The following KLHDC4 variants were observed in gnomAD, a reference collection of about 807,000 sequenced individuals.
KLHDC4 encodes the protein kelch domain containing 4, also known as kelch domain-containing protein 4.
In KLHDC4, 90 loss-of-function variants were observed where a neutral mutation model predicts 62.4. The ratio of observed to expected loss-of-function variants is 1.44; its 90% CI spans 1.22 to 1.72. KLHDC4 has a LOEUF of 1.72. Among genes scored for constraint, KLHDC4 ranks in the 40% most tolerant of loss-of-function variants. The pLI is 0.00. For synonymous variants in KLHDC4, 386 were observed against 284.4 expected, an observed-to-expected ratio of 1.36 and a Z score of -3.59; for missense variants, 1,025 against 699.7, an observed-to-expected ratio of 1.47 and a Z score of -5.25.
chr16:87,760,239 A>G (rs554518412), intron 2 of KLHDC4, among the ~76,000 whole-genome samples: 16 of 151,394 alleles, frequency 1.1e-4, no homozygotes, highest in African/African-American at 3.9e-4. Flanking sequence ...ATCATTAAAA[A>G]AAAAAAAAAA....
intron 5 of KLHDC4, among the ~76,000 whole-genome samples, chr16:87,737,644 A>G (rs573320300): frequency 6.7e-6 from 1 of 149,762 alleles, no homozygotes; most frequent in African/African-American, 2.5e-5. Flanking sequence ...CTGGAGCACA[A>G]TGGCACGATC....
At chr16:87,760,820 G>T (rs1035994614) in intron 2 of KLHDC4, among the ~76,000 whole-genome samples, 3 of 151,948 alleles carry the variant, frequency 2.0e-5, no homozygotes, top group African/African-American at 7.3e-5. Context: ...ATTACCTAAG[G>T]TCAGGAGTTC....
chr16:87,733,786 AC>A (rs1434263866), intron 5 of KLHDC4, among the ~76,000 whole-genome samples: 1 of 150,640 alleles, frequency 6.6e-6, no homozygotes, highest in Non-Finnish European at 1.5e-5. Context: ...CTCACTGATG[AC>A]CTGCCTCGCC....
intron 4 of KLHDC4, among the ~76,000 whole-genome samples, chr16:87,754,093 T>C (rs1412942831): frequency 6.6e-6 from 1 of 151,148 alleles, no homozygotes; most frequent in Non-Finnish European, 1.5e-5. Flanking sequence ...TGAGCTGATA[T>C]AATGCCACTG....
At chr16:87,721,186 C>T (rs8058534) in intron 7 of KLHDC4, among the ~76,000 whole-genome samples, 8,718 of 152,162 alleles carry the variant, frequency 0.057, 328 homozygotes, top group South Asian at 0.16. Flanking sequence ...TTTGGGAGGC[C>T]GAGACGGGCG....
chr16:87,709,623 CTCT>C lies in KLHDC4; in HGVS notation c.1086_1088del (p.Glu364del), dbSNP rs767058619. 4 of 1,608,770 alleles carry C rather than the reference CTCT, an allele frequency of 2.5e-6. No homozygotes were observed. In the African/African-American group the frequency reaches 4.0e-5, roughly 16 times the overall value. On this transcript the variant is annotated inframe_deletion, in exon 10 of 12. Coordinates refer to ENST00000270583, the MANE Select transcript of KLHDC4 (RefSeq NM_017566.4). ...CCGGCCTGCTACCACCTTCGGGCTC[CTCT>C]TTTCTGCCCCGCCTGCGTTTCTTCT...
At chr16:87,734,567 C>A (rs765026296) in intron 5 of KLHDC4, among the ~76,000 whole-genome samples, 17 of 152,158 alleles carry the variant, frequency 1.1e-4, no homozygotes, top group Non-Finnish European at 2.4e-4. Flanking sequence ...CATATCAGCA[C>A]CCCTTTCAAT....
chr16:87,699,534 A>C (rs539830294), exon 1 of KLHDC4: 1 of 152,274 alleles, frequency 6.6e-6, no homozygotes, highest in East Asian at 1.9e-4. Context: ...TCTCTACTAA[A>C]AAAAAAATAC....
chr16:87,747,236 G>A (rs1159042175), intron 5 of KLHDC4, among the ~76,000 whole-genome samples: 1 of 152,196 alleles, frequency 6.6e-6, no homozygotes, highest in Non-Finnish European at 1.5e-5. Context: ...TGGGTGCTGG[G>A]TTAGCCGCAT....
At chr16:87,764,556 G>A (rs1406930687) in intron 1 of KLHDC4, among the ~76,000 whole-genome samples, 1 of 146,594 alleles carries the variant, frequency 6.8e-6, no homozygotes, top group African/African-American at 2.5e-5. Context: ...GGCTGAGGCA[G>A]GAGAACCACT....
intron 5 of KLHDC4, among the ~76,000 whole-genome samples, chr16:87,744,458 C>T (rs1046456911): frequency 3.3e-5 from 5 of 151,220 alleles, no homozygotes; most frequent in African/African-American, 1.2e-4. Context: ...TGGCAGACAC[C>T]TGTAATCCCA....
chr16:87,707,868 C>G lies in KLHDC4; in HGVS notation c.*209G>C, dbSNP rs1398933539. 6 of 439,964 alleles carry G rather than the reference C, an allele frequency of 1.4e-5. No individual in the cohort carries two copies. The highest frequency in any genetic ancestry group is 1.2e-4 in the Admixed American group (5 of 40,820). The allele number at this position is 439,964 out of a possible 1,614,324, so 27.3% of individuals were successfully genotyped here. On this transcript the variant is annotated 3_prime_UTR_variant, in exon 12 of 12. Coordinates refer to ENST00000270583, the MANE Select transcript of KLHDC4 (RefSeq NM_017566.4). ...CACACAGGCTGCTGAGGGAATCCAC[C>G]TGCACTGCACTCAGTTGAACTTCCG...
rs140376679 is a variant in KLHDC4 at position 87,728,707 on chromosome 16, G to A, written c.600-1783C>T. On this transcript the variant is annotated intron_variant, in intron 6 of 11. Transcript: ENST00000270583. ...TTTAAGAATGAACATAAGGCTAGGC[G>A]CGGGGGCTCAAGCCTATAATCACAG... is the stretch of plus-strand genomic sequence containing the variant. 2.5e-3 allele frequency among the ~76,000 whole-genome samples: 374 copies of A among 152,210 alleles called. 1 individual carries two copies. Among genetic ancestry groups the A allele is most frequent in the African/African-American group, 8.1e-3 (336 of 41,542 alleles).
At position 87,765,901 on chromosome 16, in the gene KLHDC4, C is replaced by G; in HGVS notation, c.-11G>C. 6.4e-7 allele frequency: 1 copy of G among 1,550,944 alleles called. No individual in the cohort carries two copies. Among genetic ancestry groups the G allele is most frequent in the East Asian group, 2.4e-5 (1 of 40,912 alleles). ...GCCCTTCTTGCCCATCTTGCCGGGTCCCAAGCCGCGACGGGACACCAGGAA... is the reference window on the plus strand; with the variant it reads ...GCCCTTCTTGCCCATCTTGCCGGGTGCCAAGCCGCGACGGGACACCAGGAA... On this transcript the variant is annotated 5_prime_UTR_variant, in exon 1 of 12. Coordinates refer to ENST00000270583, the MANE Select transcript of KLHDC4 (RefSeq NM_017566.4).
intron 5 of KLHDC4, chr16:87,730,994 T>C (rs2040252629): frequency 6.3e-6 from 1 of 159,308 alleles, no homozygotes; most frequent in African/African-American, 2.5e-5. Context: ...CAGAGAAATA[T>C]CTTGAAACAC....
At chr16:87,759,519 G>A (rs1468970091) in intron 2 of KLHDC4, among the ~76,000 whole-genome samples, 1 of 152,160 alleles carries the variant, frequency 6.6e-6, no homozygotes, top group African/African-American at 2.4e-5. Flanking sequence ...GGCCGAGGTG[G>A]GTGGATCACC....
intron 8 of KLHDC4, 36 bp downstream of exon 8, chr16:87,714,462 C>T: frequency 6.2e-7 from 1 of 1,612,576 alleles, no homozygotes; most frequent in Non-Finnish European, 8.5e-7. Context: ...ACACACAGAC[C>T]AGCCAGCTCC....
At chr16:87,699,062 C>T (rs1025545256) in exon 1 of KLHDC4, 2 of 152,216 alleles carry the variant, frequency 1.3e-5, no homozygotes, top group Non-Finnish European at 2.9e-5. Context: ...GGCGTCTCCC[C>T]ACCCTTACAA....
At chr16:87,712,825 G>T (rs538956947) in intron 8 of KLHDC4, among the ~76,000 whole-genome samples, 1 of 152,314 alleles carries the variant, frequency 6.6e-6, no homozygotes, top group Non-Finnish European at 1.5e-5. Context: ...CTTGCTGTGG[G>T]TCACAAAAGC....
Sources: gnomAD v4.1 joint callset for allele counts (sites outside exome capture counted in the v4.1 genomes callset) on GRCh38, gnomAD v4.1.1 for gene constraint, MANE v1.5 for transcripts, NCBI Gene and HGNC (gene_info 2026-07-23, HGNC 2026-07-21) for gene names.